Variants in ZNF423 observed in about 807,000 individuals in gnomAD.
ZNF423 encodes the protein Ebf-associated zinc finger protein.
Under a neutral mutation model 95.8 loss-of-function variants are expected in ZNF423, and 12 were observed. The ratio of observed to expected loss-of-function variants is 0.13; its 90% confidence interval spans 0.08 to 0.20. The LOEUF is 0.20. Ranked by LOEUF, ZNF423 falls within the 10% of genes least tolerant of loss-of-function variation. The pLI is 1.00. For synonymous variants in ZNF423, 749 were observed against 711.9 expected (o/e 1.05, Z -0.83); for missense variants, 1,316 against 1,737.1 (o/e 0.76, Z 4.31).
At chr16:49,610,624 A>C (rs550138409) in intron 5 of ZNF423, among the ~76,000 whole-genome samples, 1 of 152,112 alleles carries the variant, frequency 6.6e-6, no homozygotes, top group African/African-American at 2.4e-5. Flanking sequence ...CCACAAATGA[A>C]AAACAGAAAA....
intron 2 of ZNF423, among the ~76,000 whole-genome samples, chr16:49,773,490 C>T (rs1281062081): frequency 6.6e-6 from 1 of 152,218 alleles, no homozygotes; most frequent in Non-Finnish European, 1.5e-5. Flanking sequence ...TGGGTGGGGA[C>T]ACAGTGCCTA....
chr16:49,748,588 G>C (rs953238506), intron 2 of ZNF423, among the ~76,000 whole-genome samples: 1 of 152,234 alleles, frequency 6.6e-6, no homozygotes, highest in African/African-American at 2.4e-5. Context: ...GCCGACCAAA[G>C]TAGCTGGTTG....
chr16:49,528,328 A>G (rs1342551955), intron 5 of ZNF423, among the ~76,000 whole-genome samples: 3 of 152,162 alleles, frequency 2.0e-5, no homozygotes, highest in Non-Finnish European at 4.4e-5. Flanking sequence ...CCCAGCGCCC[A>G]TGTTCATAAA....
chr16:49,644,434 C>G (rs752879797), intron 3 of ZNF423, among the ~76,000 whole-genome samples: 1 of 149,980 alleles, frequency 6.7e-6, no homozygotes, highest in Non-Finnish European at 1.5e-5. Context: ...GTGGGAGGAT[C>G]GTTTGAGGTC....
intron 3 of ZNF423, chr16:49,664,349 T>C (rs1247922440): frequency 2.1e-6 from 2 of 951,142 alleles, no homozygotes; most frequent in African/African-American, 1.8e-5. Context: ...AGGAAGGGCC[T>C]TGGGGAAGAA....
chr16:49,807,027 C>CAA (rs767699028), intron 1 of ZNF423, among the ~76,000 whole-genome samples: 10 of 105,620 alleles, frequency 9.5e-5, no homozygotes, highest in Admixed American at 9.7e-5. Flanking sequence ...ACTCTGACTC[C>CAA]AAAAAAAAAA....
At chr16:49,803,816 G>C (rs1024225180) in intron 1 of ZNF423, among the ~76,000 whole-genome samples, 7 of 152,062 alleles carry the variant, frequency 4.6e-5, no homozygotes, top group Non-Finnish European at 1.5e-5. Context: ...ACACAAGGGA[G>C]GGGCAGGGAG....
intron 3 of ZNF423, among the ~76,000 whole-genome samples, chr16:49,695,787 G>C (rs912679891): frequency 2.9e-4 from 44 of 152,344 alleles, no homozygotes; most frequent in African/African-American, 1.0e-3. Flanking sequence ...CTGGAGCCTG[G>C]AGAGTGTGGA....
At chr16:49,639,019 G>A (rs952808802) in intron 3 of ZNF423, 145 bp from the exon 4 acceptor site, 217 of 1,433,340 alleles carry the variant, frequency 1.5e-4, no homozygotes, top group Non-Finnish European at 1.9e-4. Flanking sequence ...GGCAGGGGCC[G>A]GAAGCAAGTG....
In ZNF423 at chr16:49,750,776, G is replaced by A. The variant is rs142276638; in HGVS notation, c.101-19805C>T. Among the ~76,000 whole-genome samples the A allele has an allele frequency of 3.7e-4, 56 of 152,320 alleles. No individual in the cohort carries two copies. In the East Asian group the frequency reaches 9.1e-3, roughly 25 times the overall value. On this transcript the variant is annotated intron_variant, in intron 2 of 7. Coordinates refer to ENST00000563137, the MANE Select transcript of ZNF423 (RefSeq NM_001379286.1). ...CATCCAAGGAAATAAAATAATTGAC[G>A]TGACAGGGGCTGGAAGACGCCAGCT...
At chr16:49,700,215 A>AC (rs202020290) in intron 3 of ZNF423, among the ~76,000 whole-genome samples, 1 of 136,114 alleles carries the variant, frequency 7.3e-6, no homozygotes, top group East Asian at 2.1e-4. Flanking sequence ...AAAAAAAAAA[A>AC]AACAAGAAGA....
At chr16:49,501,454 G>A (rs1003507029) in intron 7 of ZNF423, among the ~76,000 whole-genome samples, 2 of 152,132 alleles carry the variant, frequency 1.3e-5, no homozygotes, top group African/African-American at 4.8e-5. Context: ...CAGACACTGT[G>A]GAAAGCAGTT....
chr16:49,527,155 C>G (rs995358993), intron 5 of ZNF423, among the ~76,000 whole-genome samples: 2 of 152,166 alleles, frequency 1.3e-5, no homozygotes, highest in African/African-American at 4.8e-5. Flanking sequence ...CCCGGGCACC[C>G]CACCGCAGAG....
Position 49,638,120 on chromosome 16 carries a change from G to A in ZNF423, c.1056C>T (p.Ser352=). ...SVEGVYCHLD[S]HRQPDSSNHS... Reference sequence around the variant, plus strand: ...GGTTGCTGGAGTCGGGCTGCCGGTGGCTGTCCAGGTGGCAGTAGACACCTT... The same window carrying A: ...GGTTGCTGGAGTCGGGCTGCCGGTGACTGTCCAGGTGGCAGTAGACACCTT... The change falls in exon 4 of 8, where the codon AGC becomes AGT. Residue 352 remains serine (S), a synonymous_variant. Coordinates refer to ENST00000563137, the MANE Select transcript of ZNF423 (RefSeq NM_001379286.1). This position sits in a 1 kb window ranked among gnomAD's most constrained non-coding sequence, Gnocchi z 5.6. 2 of 1,612,966 alleles carry A rather than the reference G, an allele frequency of 1.2e-6. No homozygotes were observed. The highest frequency in any genetic ancestry group is 1.7e-6 in the Non-Finnish European group (2 of 1,180,000).
At chr16:49,623,713 G>GC (rs1972161818) in intron 5 of ZNF423, among the ~76,000 whole-genome samples, 2 of 152,124 alleles carry the variant, frequency 1.3e-5, no homozygotes, top group African/African-American at 4.8e-5. Context: ...AGCTCCCACA[G>GC]CCCCCACCTG....
At chr16:49,631,763 G>A (rs1972510271) in intron 4 of ZNF423, among the ~76,000 whole-genome samples, 1 of 152,218 alleles carries the variant, frequency 6.6e-6, no homozygotes, top group Non-Finnish European at 1.5e-5. Context: ...CGTGAGCACT[G>A]CCAATGTTCA....
intron 5 of ZNF423, among the ~76,000 whole-genome samples, chr16:49,548,755 G>A (rs1263030890): frequency 6.6e-6 from 1 of 152,164 alleles, no homozygotes; most frequent in Non-Finnish European, 1.5e-5. Context: ...AGCCGTGCCT[G>A]AACCAGGAAA....
chr16:49,854,139 A>G (rs554136789), intron 1 of ZNF423: 35 of 985,258 alleles, frequency 3.6e-5, no homozygotes, highest in African/African-American at 2.8e-4. Flanking sequence ...CTGTCCCCCA[A>G]TCAGAACACC....
At chr16:49,829,304 C>A (rs919609697) in intron 1 of ZNF423, among the ~76,000 whole-genome samples, 1 of 152,108 alleles carries the variant, frequency 6.6e-6, no homozygotes, top group Non-Finnish European at 1.5e-5. Context: ...GCTAGATACC[C>A]CTGAAATGGA....
Sources: gnomAD v4.1 joint callset for allele counts (sites outside exome capture counted in the v4.1 genomes callset) on GRCh38, gnomAD v4.1.1 for gene constraint, Gnocchi (gnomAD v3.1) non-coding constraint, MANE v1.5 for transcripts, NCBI Gene and HGNC (gene_info 2026-07-23, HGNC 2026-07-21) for gene names.